CDH4: variants seen among roughly 807,000 people sequenced by gnomAD.
CDH4 encodes cadherin-4.
In CDH4, 33 loss-of-function variants were observed where a neutral mutation model predicts 86.0. The ratio of observed to expected loss-of-function variants is 0.38; its 90% CI spans 0.29 to 0.51. The LOEUF (loss-of-function observed/expected upper bound fraction) is 0.51. Among genes scored for constraint, CDH4 ranks in the 20% least tolerant of loss-of-function variants. The pLI, the probability that CDH4 is intolerant of heterozygous loss-of-function variation, is 0.86. For synonymous variants in CDH4, 555 were observed against 549.4 expected (o/e 1.01, Z -0.14); for missense variants, 1,114 against 1,307.4 (o/e 0.85, Z 2.28).
intron 8 of CDH4, among the ~76,000 whole-genome samples, chr20:61,908,535 G>A (rs756224270): frequency 5.3e-5 from 8 of 152,134 alleles, no homozygotes; most frequent in Non-Finnish European, 1.0e-4. Flanking sequence ...CCGCTGCCTC[G>A]GGGCCTCTGT....
intron 4 of CDH4, among the ~76,000 whole-genome samples, chr20:61,787,529 A>G (rs527857962): frequency 6.6e-6 from 1 of 152,344 alleles, no homozygotes; most frequent in African/African-American, 2.4e-5. Flanking sequence ...GATTATGGGA[A>G]CTACAATTCA....
chr20:61,270,744 G>C (rs1260016341), intron 2 of CDH4, among the ~76,000 whole-genome samples: 1 of 152,140 alleles, frequency 6.6e-6, no homozygotes, highest in Admixed American at 6.5e-5. Flanking sequence ...TTGAAGTCTC[G>C]TATCCTTCGT....
rs1568740337 is a variant in CDH4, at chr20:61,661,092, G to GC, written c.170-82471_170-82470insC. Among the ~76,000 whole-genome samples the GC allele has an allele frequency of 3.7e-4, 52 of 141,774 alleles. 8 individuals are homozygous for GC. Among genetic ancestry groups the GC allele is most frequent in the Admixed American group, 5.5e-4 (8 of 14,494 alleles). 93.0% of individuals were successfully genotyped at this position (141,774 alleles called of 152,430 possible). On this transcript the variant is annotated intron_variant, in intron 2 of 15. Coordinates refer to ENST00000614565, the MANE Select transcript of CDH4 (RefSeq NM_001794.5). The stretch of plus-strand genomic sequence containing the variant: ...ATGGACAGGAGGCATGGCGGGGGGG[G>GC]GGGAGACACAGTGCCAGGCTCATGC...
chr20:61,695,359 A>G (rs2087705116), intron 2 of CDH4, among the ~76,000 whole-genome samples: 2 of 152,278 alleles, frequency 1.3e-5, no homozygotes, highest in South Asian at 2.1e-4. Context: ...TATCAGATGT[A>G]TTCCACGGGG....
chr20:61,824,437 G>A (rs1231616157), intron 4 of CDH4, among the ~76,000 whole-genome samples: 5 of 151,964 alleles, frequency 3.3e-5, no homozygotes, highest in East Asian at 1.9e-4. Context: ...AGAGGCAGGC[G>A]AGAATTAAAG....
At chr20:61,588,756 C>T (rs755057631) in intron 2 of CDH4, among the ~76,000 whole-genome samples, 3 of 152,202 alleles carry the variant, frequency 2.0e-5, no homozygotes, top group Non-Finnish European at 2.9e-5. Context: ...ATTTGGCCTC[C>T]GATTCCGTTC....
intron 2 of CDH4, among the ~76,000 whole-genome samples, chr20:61,562,480 GCTT>G (rs1422990646): frequency 1.3e-5 from 2 of 152,170 alleles, no homozygotes; most frequent in Non-Finnish European, 2.9e-5. Context: ...GTGGTTTGTC[GCTT>G]CTTTCATCTT....
chr20:61,560,757 T>G (rs1054369218), intron 2 of CDH4, among the ~76,000 whole-genome samples: 1 of 152,238 alleles, frequency 6.6e-6, no homozygotes, highest in Non-Finnish European at 1.5e-5. Flanking sequence ...ATGAAGGCAG[T>G]GCCCCAGAAG....
intron 2 of CDH4, among the ~76,000 whole-genome samples, chr20:61,442,424 C>CA (rs553666090): frequency 1.4e-3 from 209 of 152,232 alleles, no homozygotes; most frequent in African/African-American, 4.6e-3. Flanking sequence ...ATCTGCTGTG[C>CA]AAATATTTGT....
intron 5 of CDH4, among the ~76,000 whole-genome samples, chr20:61,851,310 C>CA (rs1298235808): frequency 1.3e-5 from 2 of 152,202 alleles, no homozygotes; most frequent in Admixed American, 6.5e-5. Flanking sequence ...CGTAAACACA[C>CA]AATGTAGGGG....
intron 4 of CDH4, among the ~76,000 whole-genome samples, chr20:61,815,410 C>T (rs1294766423): frequency 6.6e-6 from 1 of 152,184 alleles, no homozygotes; most frequent in Non-Finnish European, 1.5e-5. Context: ...TGCTGGTGAG[C>T]GGGGAAGCCG....
chr20:61,429,542 A>T (rs1009816957), intron 2 of CDH4, among the ~76,000 whole-genome samples: 2 of 146,982 alleles, frequency 1.4e-5, no homozygotes, highest in East Asian at 4.2e-4. Flanking sequence ...TGGGTGTGTG[A>T]GTGGATGGAT....
At chr20:61,290,433 T>G in intron 2 of CDH4, among the ~76,000 whole-genome samples, 1 of 137,294 alleles carries the variant, frequency 7.3e-6, no homozygotes, top group Non-Finnish European at 1.6e-5. Context: ...GCTGGGTTTA[T>G]CCCGATATCC....
chr20:61,823,616 C>A (rs1981168118), intron 4 of CDH4, among the ~76,000 whole-genome samples: 1 of 152,128 alleles, frequency 6.6e-6, no homozygotes, highest in African/African-American at 2.4e-5. Flanking sequence ...TAAAATGTGG[C>A]AGGATGAGGA....
chr20:61,915,087 GGT>G (rs1358900415), intron 9 of CDH4, among the ~76,000 whole-genome samples: 2 of 152,188 alleles, frequency 1.3e-5, no homozygotes, highest in African/African-American at 4.8e-5. Flanking sequence ...CCACCAAGGA[GGT>G]GCTATTCTTG....
intron 2 of CDH4, among the ~76,000 whole-genome samples, chr20:61,721,028 C>T (rs1416908003): frequency 6.6e-6 from 1 of 152,158 alleles, no homozygotes; most frequent in Admixed American, 6.5e-5. Context: ...TGTGTCCCCC[C>T]GGCTCCCTGC....
intron 4 of CDH4, among the ~76,000 whole-genome samples, chr20:61,777,881 ACACACATG>A (rs1454089311): frequency 1.5e-4 from 17 of 110,850 alleles, no homozygotes; most frequent in Non-Finnish European, 3.1e-4. Flanking sequence ...TGCATACTAT[ACACACATG>A]CACACACGTG....
chr20:61,591,242 A>G (rs537860085), intron 2 of CDH4, among the ~76,000 whole-genome samples: 3 of 152,378 alleles, frequency 2.0e-5, no homozygotes, highest in South Asian at 2.1e-4. Context: ...ACCATATGAG[A>G]CATCAAAACC....
At chr20:61,853,424 C>T (rs536272527) in intron 6 of CDH4, among the ~76,000 whole-genome samples, 1 of 152,270 alleles carries the variant, frequency 6.6e-6, no homozygotes, top group South Asian at 2.1e-4. Flanking sequence ...CCGGACTCCC[C>T]CCACAGAGGC....
Sources: gnomAD v4.1 joint callset for allele counts (sites outside exome capture counted in the v4.1 genomes callset) on GRCh38, gnomAD v4.1.1 for gene constraint, MANE v1.5 for transcripts, NCBI Gene and HGNC (gene_info 2026-07-23, HGNC 2026-07-21) for gene names.